The following RAP1B variants were observed in gnomAD, a reference collection of about 807,000 sequenced individuals.
RAP1B encodes the protein RAP1B, member of RAS oncogene family.
A neutral mutation model predicts 27.5 loss-of-function variants in RAP1B; 1 was observed. The observed-to-expected ratio is 0.04, with a 90% CI of 0.01 to 0.17. RAP1B has a LOEUF of 0.17. Among genes scored for constraint, RAP1B ranks in the 10% least tolerant of loss-of-function variants. The probability of loss-of-function intolerance (pLI) is 1.00; values close to 1 mark genes in which losing one functional copy is unlikely to be tolerated. For synonymous variants in RAP1B, 75 were observed against 73.1 expected, an observed-to-expected ratio of 1.03 and a Z score of -0.13; for missense variants, 84 against 214.8, an observed-to-expected ratio of 0.39 and a Z score of 3.81.
chr12:68,625,507 G>A (rs774623932), intron 1 of RAP1B, among the ~76,000 whole-genome samples: 5 of 152,180 alleles, frequency 3.3e-5, no homozygotes, highest in Admixed American at 2.0e-4. Context: ...CTGAACTTCT[G>A]GCAGGTTTAC....
At position 68,671,638 on chromosome 12, in the gene RAP1B, T is replaced by C. The variant is rs1875097668; in HGVS notation, c.*12389T>C. ...AAGGATATTTACCAAGTTGTTAATATGCATTACCTGACATGGTGATATAGG... is the reference window on the plus strand; with the variant it reads ...AAGGATATTTACCAAGTTGTTAATACGCATTACCTGACATGGTGATATAGG... On this transcript the variant is annotated 3_prime_UTR_variant, in exon 8 of 8. Transcript: ENST00000250559. 6.6e-6 allele frequency: 1 copy of C among 152,106 alleles called. No individual in the cohort carries two copies. The highest frequency in any genetic ancestry group is 1.5e-5 in the Non-Finnish European group (1 of 68,040). 9.4% of individuals were successfully genotyped at this position (152,106 alleles called of 1,614,324 possible). A position where few individuals can be genotyped will look rare whatever the true frequency, so the allele number is the denominator to read the frequency against.
intron 1 of RAP1B, among the ~76,000 whole-genome samples, chr12:68,640,829 CA>C (rs200871633): frequency 6.6e-6 from 1 of 150,492 alleles, no homozygotes; most frequent in Non-Finnish European, 1.5e-5. Context: ...CACATTTAGA[CA>C]AAAAAAAAGC....
chr12:68,616,255 C>G (rs1870996481), intron 1 of RAP1B, among the ~76,000 whole-genome samples: 1 of 151,366 alleles, frequency 6.6e-6, no homozygotes, highest in South Asian at 2.1e-4. Flanking sequence ...AGCCACTGTG[C>G]CCGGCCTTTG....
At chr12:68,627,047 C>T (rs776143580) in intron 1 of RAP1B, 10 of 1,593,218 alleles carry the variant, frequency 6.3e-6, no homozygotes, top group South Asian at 1.1e-5. Context: ...AAAACTTGAA[C>T]TTGGCCCTGC....
rs1874982310 is a variant in RAP1B at position 68,669,364 on chromosome 12, G to A, written c.*10115G>A. On this transcript the variant is annotated 3_prime_UTR_variant, in exon 8 of 8. Transcript: ENST00000250559. ...ACAATTTAAATTTCAACTGGCTGAG[G>A]CTTTGTTTTTGTTTTTGATTTTTTA... 1 of 152,096 alleles carries A rather than the reference G, an allele frequency of 6.6e-6. No individual in the cohort carries two copies. Among genetic ancestry groups the A allele is most frequent in the Non-Finnish European group, 1.5e-5 (1 of 68,008 alleles). The allele number at this position is 152,096 out of a possible 1,614,324, so 9.4% of individuals were successfully genotyped here.
chr12:68,639,894 G>T (rs1872878858), intron 1 of RAP1B, among the ~76,000 whole-genome samples: 1 of 151,398 alleles, frequency 6.6e-6, no homozygotes, highest in Non-Finnish European at 1.5e-5. Flanking sequence ...AGGCTGGAGT[G>T]CAGTGGCACA....
At chr12:68,618,086 C>CTTTTTTTTTTTTTTT (rs36224976) in intron 1 of RAP1B, among the ~76,000 whole-genome samples, 3 of 60,788 alleles carry the variant, frequency 4.9e-5, no homozygotes, top group Non-Finnish European at 6.0e-5. Flanking sequence ...TTCTATAAAG[C>CTTTTTTTTTTTTTTT]TTTTTTTTTT....
At position 68,666,363 on chromosome 12, in the gene RAP1B, T is replaced by C. The variant is rs1185688725; in HGVS notation, c.*7114T>C. The C allele has an allele frequency of 6.6e-6, 1 of 152,218 alleles. No individual in the cohort carries two copies. The highest frequency in any genetic ancestry group is 2.4e-5 in the African/African-American group (1 of 41,456). 9.4% of individuals were successfully genotyped at this position (152,218 alleles called of 1,614,324 possible). ...GTCCTAGTTTAAAAGTATATATTAG[T>C]TTCCTAGGGCTGCTGTAACAAATTA... On this transcript the variant is annotated 3_prime_UTR_variant, in exon 8 of 8. Transcript: ENST00000250559.
At chr12:68,646,983 TCTTTA>T (rs1399977113) in intron 1 of RAP1B, among the ~76,000 whole-genome samples, 3 of 152,224 alleles carry the variant, frequency 2.0e-5, no homozygotes, top group African/African-American at 4.8e-5. Flanking sequence ...AAAGGCCATC[TCTTTA>T]CTTTAACTGT....
chr12:68,653,789 G>A (rs1873993691), intron 4 of RAP1B, among the ~76,000 whole-genome samples: 1 of 151,936 alleles, frequency 6.6e-6, no homozygotes, highest in Non-Finnish European at 1.5e-5. Context: ...AAATTAGCCG[G>A]GCATGGTGGT....
chr12:68,613,049 A>G lies in RAP1B; in HGVS notation c.-27+2006A>G, dbSNP rs1299348712. ...AACTGACTTAATTTTAAAATGTTGT[A>G]TGGGGCATGAAAATGATTGCTCTGG... On this transcript the variant is annotated intron_variant, in intron 1 of 7. Coordinates refer to ENST00000250559, the MANE Select transcript of RAP1B (RefSeq NM_001010942.3). Among the ~76,000 whole-genome samples the G allele has an allele frequency of 3.3e-5, 5 of 152,276 alleles. No individual in the cohort carries two copies. In the East Asian group the frequency reaches 5.8e-4, roughly 18 times the overall value.
intron 7 of RAP1B, chr12:68,657,609 T>A (rs1874296858): frequency 6.3e-6 from 1 of 159,598 alleles, no homozygotes; most frequent in Non-Finnish European, 1.4e-5. Context: ...GTTTCACCAT[T>A]GTTGGCCAGG....
chr12:68,667,462 AT>A lies in RAP1B; in HGVS notation c.*8215del, dbSNP rs1410203149. The A allele has an allele frequency of 1.3e-5, 2 of 152,182 alleles. No individual in the cohort carries two copies. The highest frequency in any genetic ancestry group is 2.9e-5 in the Non-Finnish European group (2 of 68,034). 9.4% of individuals were successfully genotyped at this position (152,182 alleles called of 1,614,324 possible). ...CACTGAACATTTGAGGAAGTTAGAG[AT>A]TAATTCAACCCAGTGGGTTTTGGGG... is the stretch of plus-strand genomic sequence containing the variant. On this transcript the variant is annotated 3_prime_UTR_variant, in exon 8 of 8. Coordinates refer to ENST00000250559, the MANE Select transcript of RAP1B (RefSeq NM_001010942.3).
rs963099166 is a variant in RAP1B at position 68,662,174 on chromosome 12, A to T, written c.*2925A>T. On this transcript the variant is annotated 3_prime_UTR_variant, in exon 8 of 8. Coordinates refer to ENST00000250559, the MANE Select transcript of RAP1B (RefSeq NM_001010942.3). ...TTGGCAAAAAGCACCATTTTCTCCTATACAAAATAGTAACTGCAGTTTGGG... is the reference window on the plus strand; with the variant it reads ...TTGGCAAAAAGCACCATTTTCTCCTTTACAAAATAGTAACTGCAGTTTGGG... 1.3e-5 allele frequency: 2 copies of T among 151,426 alleles called. No individual in the cohort carries two copies. The highest frequency in any genetic ancestry group is 2.9e-5 in the Non-Finnish European group (2 of 67,878). The allele number at this position is 151,426 out of a possible 1,614,324, so 9.4% of individuals were successfully genotyped here.
rs992186287 is a variant in RAP1B, at chr12:68,662,906, G to A, written c.*3657G>A. On this transcript the variant is annotated 3_prime_UTR_variant, in exon 8 of 8. Coordinates refer to ENST00000250559, the MANE Select transcript of RAP1B (RefSeq NM_001010942.3). ...GTAGTCCCAGCTATTCAGAAGGATT[G>A]CTTGATCCCAGGAGATCAAGGATAC... 1.3e-5 allele frequency: 2 copies of A among 151,924 alleles called. No individual in the cohort carries two copies. Among genetic ancestry groups the A allele is most frequent in the Non-Finnish European group, 2.9e-5 (2 of 68,016 alleles). The allele number at this position is 151,924 out of a possible 1,614,324, so 9.4% of individuals were successfully genotyped here.
intron 1 of RAP1B, among the ~76,000 whole-genome samples, chr12:68,638,941 A>G (rs960656595): frequency 6.6e-6 from 1 of 152,186 alleles, no homozygotes; most frequent in Non-Finnish European, 1.5e-5. Context: ...GATTACAGAC[A>G]TGAGTCACCA....
At chr12:68,627,092 C>T in intron 1 of RAP1B, 1 of 1,593,016 alleles carries the variant, frequency 6.3e-7, no homozygotes. Context: ...TGTTCTGCAG[C>T]TTGGTGTGAA....
chr12:68,642,605 G>T, intron 1 of RAP1B: 6 of 1,018,708 alleles, frequency 5.9e-6, no homozygotes, highest in Non-Finnish European at 9.4e-6. Flanking sequence ...GTCCTCAGTG[G>T]TCATCTGATC....
intron 1 of RAP1B, among the ~76,000 whole-genome samples, chr12:68,645,249 G>A (rs1296785814): frequency 2.6e-5 from 4 of 152,304 alleles, no homozygotes; most frequent in African/African-American, 7.2e-5. Context: ...TGGAAGGAAA[G>A]TGAGGCTCTG....
Sources: gnomAD v4.1 joint callset for allele counts (sites outside exome capture counted in the v4.1 genomes callset) on GRCh38, gnomAD v4.1.1 for gene constraint, MANE v1.5 for transcripts, NCBI Gene and HGNC (gene_info 2026-07-23, HGNC 2026-07-21) for gene names.